TMIE: variants seen among roughly 807,000 people sequenced by gnomAD.
TMIE encodes the protein transmembrane inner ear expressed protein.
Under a neutral mutation model 16.8 loss-of-function variants are expected in TMIE, and 14 were observed. The ratio of observed to expected loss-of-function variants is 0.83; its 90% confidence interval spans 0.55 to 1.30. The LOEUF is 1.30. Among genes scored for constraint, TMIE ranks in the 50% most tolerant of loss-of-function variants. The pLI is 0.00. For missense variants in TMIE, 204 were observed against 205.9 expected (o/e 0.99, Z 0.06); for synonymous variants, 75 against 87.2 (o/e 0.86, Z 0.78).
At chr3:46,701,383 ACCCGTGGCCAAAG>A (rs1454980252) in exon 1 of TMIE, 14 of 826,820 alleles carry the variant, frequency 1.7e-5, no homozygotes, top group Non-Finnish European at 2.3e-5. This position sits in a 1 kb window ranked among gnomAD's most constrained non-coding sequence, Gnocchi z 4.3. Context: ...CTCGCTGACT[ACCCGTGGCCAAAG>A]CCCGTGGCCA....
upstream of TMIE, among the ~76,000 whole-genome samples, chr3:46,700,531 A>G (rs1349311642): frequency 2.6e-5 from 4 of 152,154 alleles, no homozygotes; most frequent in Admixed American, 6.5e-5. Context: ...GCAGGAGATA[A>G]ATAAGAATAG....
chr3:46,705,966 C>T, intron 2 of TMIE, 59 bp downstream of exon 2: 3 of 1,533,766 alleles, frequency 2.0e-6, no homozygotes, highest in African/African-American at 1.4e-5. Context: ...GCACCCCCTG[C>T]CCCCCAGAGG....
chr3:46,696,738 C>T (rs918481237), upstream of TMIE, among the ~76,000 whole-genome samples: 3 of 152,160 alleles, frequency 2.0e-5, no homozygotes, highest in Admixed American at 1.3e-4. Flanking sequence ...TTCAGAGGCC[C>T]TGGAGGCTGG....
At position 46,701,476 on chromosome 3, in the gene TMIE, G is replaced by T. The variant is rs775220401; in HGVS notation, c.-12G>T. 5 of 1,365,680 alleles carry T rather than the reference G, an allele frequency of 3.7e-6. No individual in the cohort carries two copies. In the South Asian group the frequency reaches 8.6e-5, roughly 23 times the overall value. 84.6% of individuals were successfully genotyped at this position (1,365,680 alleles called of 1,614,324 possible). ...CGTCCCTGGGCTCCGCAAGCGGCGCGGTGGCACGAAGATGGCGGGGTGGCC... is the reference window on the plus strand; with the variant it reads ...CGTCCCTGGGCTCCGCAAGCGGCGCTGTGGCACGAAGATGGCGGGGTGGCC... On this transcript the variant is annotated 5_prime_UTR_variant, in exon 1 of 4. Transcript: ENST00000643606. The surrounding 1 kb of genome is among the most constrained non-coding windows in gnomAD (Gnocchi z 4.3).
At chr3:46,696,003 G>A (rs146947143) in intron 1 of TMIE, among the ~76,000 whole-genome samples, 126 of 152,244 alleles carry the variant, frequency 8.3e-4, no homozygotes, top group South Asian at 4.4e-3. Context: ...AGCCTCTGCT[G>A]AGTCCACCTG....
chr3:46,701,555 C>T lies in TMIE; in HGVS notation c.68C>T (p.Ala23Val). 8 of 1,285,312 alleles carry T rather than the reference C, an allele frequency of 6.2e-6. No individual in the cohort carries two copies. The highest frequency in any genetic ancestry group is 7.9e-6 in the Non-Finnish European group (8 of 1,018,856). 79.6% of individuals were successfully genotyped at this position (1,285,312 alleles called of 1,614,324 possible). A position where few individuals can be genotyped will look rare whatever the true frequency, so the allele number is the denominator to read the frequency against. Residue 23 changes from alanine to valine, a missense_variant, in exon 1 of 4, where the codon GCG becomes GTG. Coordinates refer to ENST00000643606, the MANE Select transcript of TMIE (RefSeq NM_147196.3). This position sits in a 1 kb window ranked among gnomAD's most constrained non-coding sequence, Gnocchi z 4.3. ...LGGAALGVCL[A>V]GVAGQLVEPS... ...GGCGCCGCACTCGGGGTGTGCCTCG[C>T]GGGGGTTGCCGGGCAGCTGGTGGAG...
At position 46,709,224 on chromosome 3, in the gene TMIE, G is replaced by A; in HGVS notation, c.310G>A (p.Asp104Asn). ...LQRKAAKMYT[D>N]KLETVPPLNE... is the part of the protein sequence containing the mutation. ...GCGAAAGGCAGCCAAGATGTACACA[G>A]ACAAGCTGGAGACTGTGCCACCCCT... Residue 104 changes from aspartate to asparagine, a missense_variant, in exon 3 of 4, where the codon GAC becomes AAC. Physicochemically the swap from Asp to Asn is conservative, Grantham distance 23 (BLOSUM62 1). Coordinates refer to ENST00000643606, the MANE Select transcript of TMIE (RefSeq NM_147196.3). 4 of 1,614,192 alleles carry A rather than the reference G, an allele frequency of 2.5e-6. No individual in the cohort carries two copies. The highest frequency in any genetic ancestry group is 1.7e-6 in the Non-Finnish European group (2 of 1,180,048).
At position 46,701,438 on chromosome 3, in the gene TMIE, CG is replaced by C. The variant is rs1700474469; in HGVS notation, c.-48del. The C allele has an allele frequency of 1.4e-6, 2 of 1,395,550 alleles. No homozygotes were observed. The highest frequency in any genetic ancestry group is 1.9e-6 in the Non-Finnish European group (2 of 1,063,588). 86.4% of individuals were successfully genotyped at this position (1,395,550 alleles called of 1,614,324 possible). On this transcript the variant is annotated 5_prime_UTR_variant, in exon 1 of 4. Transcript: ENST00000643606. The surrounding 1 kb of genome is among the most constrained non-coding windows in gnomAD (Gnocchi z 4.3). ...GCCGGCTGGCAGGGGCAGTGACCGG[CG>C]GCCGGCCCGTTCGTCCCTGGGCTCC...
In TMIE at chr3:46,710,135, CAG is replaced by C. The variant is rs1700603499; in HGVS notation, c.*452_*453del. 3.8e-6 allele frequency: 1 copy of C among 265,080 alleles called. No individual in the cohort carries two copies. Among genetic ancestry groups the C allele is most frequent in the Non-Finnish European group, 7.5e-6 (1 of 134,190 alleles). 16.4% of individuals were successfully genotyped at this position (265,080 alleles called of 1,614,324 possible). On this transcript the variant is annotated 3_prime_UTR_variant, in exon 4 of 4. Transcript: ENST00000643606. ...CACACCCAGAGTAGCCATGAGGAGG[CAG>C]AGAGGGTCACTGGGGGACACTGTGG...
upstream of TMIE, chr3:46,701,376 G>A (rs1700473204): frequency 2.5e-6 from 2 of 788,758 alleles, no homozygotes; most frequent in Non-Finnish European, 3.7e-6. The surrounding 1 kb of genome is among the most constrained non-coding windows in gnomAD (Gnocchi z 4.3). Flanking sequence ...AATGATGCTC[G>A]CTGACTACCC....
upstream of TMIE, among the ~76,000 whole-genome samples, chr3:46,694,241 C>T (rs1285946793): frequency 1.3e-5 from 2 of 152,348 alleles, no homozygotes; most frequent in East Asian, 3.9e-4. Flanking sequence ...TTGGGGAAGT[C>T]CCCTTTCCTC....
Position 46,701,699 on chromosome 3 carries a change from T to G in TMIE, c.93+119T>G. 1 of 853,836 alleles carries G rather than the reference T, an allele frequency of 1.2e-6. No homozygotes were observed. The allele number at this position is 853,836 out of a possible 1,614,324, so 52.9% of individuals were successfully genotyped here. A position where few individuals can be genotyped will look rare whatever the true frequency, so the allele number is the denominator to read the frequency against. ...GATCCCTTACTCTTGCCCTGAGAGA[T>G]CCAGTCTCCCGGGCGATGCAGCCCT... On this transcript the variant is annotated intron_variant, in intron 1 of 3. Coordinates refer to ENST00000643606, the MANE Select transcript of TMIE (RefSeq NM_147196.3). The surrounding 1 kb of genome is among the most constrained non-coding windows in gnomAD (Gnocchi z 4.3).
Position 46,709,864 on chromosome 3 carries a change from A to T in TMIE, c.*176A>T. On this transcript the variant is annotated 3_prime_UTR_variant, in exon 4 of 4. Transcript: ENST00000643606. ...AGGGGCAGGAACCAGACAATCTCGTAGGTGTCCTGCCCCCCAGCCTAGGCT... is the reference window on the plus strand; with the variant it reads ...AGGGGCAGGAACCAGACAATCTCGTTGGTGTCCTGCCCCCCAGCCTAGGCT... The T allele has an allele frequency of 3.8e-6, 5 of 1,328,244 alleles. No homozygotes were observed. The highest frequency in any genetic ancestry group is 5.2e-6 in the Non-Finnish European group (5 of 967,542). 82.3% of individuals were successfully genotyped at this position (1,328,244 alleles called of 1,614,324 possible).
At position 46,709,292 on chromosome 3, in the gene TMIE, T is replaced by A; in HGVS notation, c.361+17T>A. On this transcript the variant is annotated intron_variant, in intron 3 of 3. Transcript: ENST00000643606. ...TCCCAGGAGGTGAGTTGGCCCTGGC[T>A]TGAGCCCTGCTGCGCCAGCCAGTTC... The A allele has an allele frequency of 1.2e-6, 2 of 1,613,742 alleles. No homozygotes were observed. The highest frequency in any genetic ancestry group is 1.7e-6 in the Non-Finnish European group (2 of 1,179,982).
intron 2 of TMIE, among the ~76,000 whole-genome samples, chr3:46,707,328 A>G (rs912033672): frequency 4.6e-5 from 7 of 152,224 alleles, no homozygotes; most frequent in Non-Finnish European, 8.8e-5. Context: ...TCAGACCCCA[A>G]GCGGCACTTG....
At chr3:46,701,368 T>A, upstream of TMIE, 1 of 727,512 alleles carries the variant, frequency 1.4e-6, no homozygotes, top group South Asian at 2.2e-5. The surrounding 1 kb of genome is among the most constrained non-coding windows in gnomAD (Gnocchi z 4.3). Flanking sequence ...GATGAATAAA[T>A]GATGCTCGCT....
Position 46,709,875 on chromosome 3 carries a change from C to T in TMIE, c.*187C>T, listed in dbSNP as rs1271149267. Reference sequence around the variant, plus strand: ...CCAGACAATCTCGTAGGTGTCCTGCCCCCCAGCCTAGGCTTGGCTCCTTTC... The same window carrying T: ...CCAGACAATCTCGTAGGTGTCCTGCTCCCCAGCCTAGGCTTGGCTCCTTTC... On this transcript the variant is annotated 3_prime_UTR_variant, in exon 4 of 4. Coordinates refer to ENST00000643606, the MANE Select transcript of TMIE (RefSeq NM_147196.3). 1.6e-6 allele frequency: 2 copies of T among 1,257,488 alleles called. No individual in the cohort carries two copies. Among genetic ancestry groups the T allele is most frequent in the Non-Finnish European group, 1.1e-6 (1 of 910,946 alleles). The allele number at this position is 1,257,488 out of a possible 1,614,324, so 77.9% of individuals were successfully genotyped here.
At chr3:46,700,379 G>A (rs1191783919), upstream of TMIE, among the ~76,000 whole-genome samples, 5 of 152,180 alleles carry the variant, frequency 3.3e-5, no homozygotes, top group Admixed American at 3.3e-4. Context: ...AACCTCACAG[G>A]GCTCTGGAGC....
chr3:46,699,554 A>T (rs1039397587), upstream of TMIE, among the ~76,000 whole-genome samples: 1 of 152,212 alleles, frequency 6.6e-6, no homozygotes, highest in Non-Finnish European at 1.5e-5. Flanking sequence ...GGTTAAAAAA[A>T]GTTCTGGGTA....
Sources: gnomAD v4.1 joint callset for allele counts (sites outside exome capture counted in the v4.1 genomes callset) on GRCh38, gnomAD v4.1.1 for gene constraint, Gnocchi (gnomAD v3.1) non-coding constraint, MANE v1.5 for transcripts, NCBI Gene and HGNC (gene_info 2026-07-23, HGNC 2026-07-21) for gene names.